PTK2: variants seen among roughly 807,000 people sequenced by gnomAD.
PTK2 encodes the protein focal adhesion kinase 1.
Under a neutral mutation model 150.1 loss-of-function variants are expected in PTK2, and 45 were observed. That is an observed-to-expected ratio of 0.30 (90% confidence interval 0.24 to 0.38). PTK2 has a LOEUF of 0.38. PTK2 is among the 10% of genes least tolerant of loss of function. The probability of loss-of-function intolerance (pLI) is 1.00; values close to 1 mark genes in which losing one functional copy is unlikely to be tolerated. For synonymous variants in PTK2, 432 were observed against 449.2 expected (o/e 0.96, Z 0.48); for missense variants, 919 against 1,307.3 (o/e 0.70, Z 4.58).
chr8:140,890,927 GCTGTCTCTC>G (rs2100154026), intron 2 of PTK2, among the ~76,000 whole-genome samples, 158 bp from the exon 3 acceptor site: 1 of 152,050 alleles, frequency 6.6e-6, no homozygotes, highest in East Asian at 1.9e-4. Context: ...TAAAATAATA[GCTGTCTCTC>G]CCCATACCCA....
intron 5 of PTK2, among the ~76,000 whole-genome samples, chr8:140,862,345 A>G (rs2100136692): frequency 6.6e-6 from 1 of 152,214 alleles, no homozygotes; most frequent in Non-Finnish European, 1.5e-5. Context: ...TCCTTCGCCA[A>G]AATATGAAGT....
chr8:140,894,651 C>T (rs572213534), intron 2 of PTK2, among the ~76,000 whole-genome samples: 24 of 152,254 alleles, frequency 1.6e-4, no homozygotes, highest in African/African-American at 5.8e-4. Context: ...CCACAGTATA[C>T]CTTTTGAATA....
chr8:140,965,834 G>A (rs1470679824), intron 1 of PTK2, among the ~76,000 whole-genome samples: 4 of 152,134 alleles, frequency 2.6e-5, no homozygotes, highest in Admixed American at 6.5e-5. Context: ...CCAAGAACGC[G>A]CCACTGCACT....
At chr8:140,665,495 C>G (rs1309167763) in intron 30 of PTK2, among the ~76,000 whole-genome samples, 1 of 152,152 alleles carries the variant, frequency 6.6e-6, no homozygotes, top group Admixed American at 6.5e-5. Context: ...GGACCCCGTT[C>G]TGAATCTCAG....
At chr8:140,834,466 C>T (rs1041320219) in intron 7 of PTK2, among the ~76,000 whole-genome samples, 1 of 152,126 alleles carries the variant, frequency 6.6e-6, no homozygotes, top group Non-Finnish European at 1.5e-5. Flanking sequence ...CTAAGTATTA[C>T]CTTTCCTACT....
chr8:140,806,009 G>A (rs2100097978), intron 10 of PTK2, among the ~76,000 whole-genome samples: 1 of 152,146 alleles, frequency 6.6e-6, no homozygotes, highest in Non-Finnish European at 1.5e-5. Flanking sequence ...TTTCGTTGGG[G>A]TAGAACCATT....
chr8:140,832,124 G>T (rs993711664), intron 7 of PTK2, among the ~76,000 whole-genome samples: 1 of 152,180 alleles, frequency 6.6e-6, no homozygotes, highest in Non-Finnish European at 1.5e-5. Context: ...GCCAATCTCA[G>T]CTCACTGCAC....
intron 31 of PTK2, among the ~76,000 whole-genome samples, 173 bp from the exon 36 acceptor site, chr8:140,659,851 T>C (rs1223574557): frequency 1.3e-5 from 2 of 152,170 alleles, no homozygotes; most frequent in Non-Finnish European, 2.9e-5. Flanking sequence ...CACCAAGCCC[T>C]GCACCAATGA....
At position 140,926,428 on chromosome 8, in the gene PTK2, C is replaced by T. The variant is rs572001359; in HGVS notation, c.-121-679G>A. On this transcript the variant is annotated intron_variant, in intron 1 of 31. Coordinates refer to ENST00000522684, the Ensembl canonical transcript of PTK2. ...AGGTTTCCAGAGAAGAGTCTGGAAACAGGCCTACAAAGGGTAAATGAATCA... is the reference window on the plus strand; with the variant it reads ...AGGTTTCCAGAGAAGAGTCTGGAAATAGGCCTACAAAGGGTAAATGAATCA... Among the ~76,000 whole-genome samples, 8 of 152,100 alleles carry T rather than the reference C, an allele frequency of 5.3e-5. 1 individual carries two copies. The highest frequency in any genetic ancestry group is 2.6e-4 in the Admixed American group (4 of 15,272).
intron 1 of PTK2, among the ~76,000 whole-genome samples, chr8:140,962,692 A>T (rs1195897048): frequency 1.3e-5 from 2 of 151,954 alleles, no homozygotes; most frequent in African/African-American, 4.8e-5. Flanking sequence ...TGAGGCAGAG[A>T]ATGGCGTGAA....
chr8:140,825,135 A>G (rs2100111074), intron 8 of PTK2, among the ~76,000 whole-genome samples: 4 of 152,208 alleles, frequency 2.6e-5, no homozygotes, highest in Non-Finnish European at 4.4e-5. Flanking sequence ...CCCAAACACC[A>G]AATGCTTTAA....
At chr8:140,722,204 C>T (rs1421914949) in intron 22 of PTK2, among the ~76,000 whole-genome samples, 1 of 152,216 alleles carries the variant, frequency 6.6e-6, no homozygotes. Flanking sequence ...AACTCCTGGG[C>T]TCAAGTGATC....
intron 27 of PTK2, among the ~76,000 whole-genome samples, chr8:140,686,408 T>TAA (rs34011420): frequency 6.7e-6 from 1 of 149,136 alleles, no homozygotes; most frequent in African/African-American, 2.5e-5. Flanking sequence ...AAATAAAAGT[T>TAA]AAAAAAAAAA....
intron 10 of PTK2, among the ~76,000 whole-genome samples, chr8:140,817,538 C>T (rs534141248): frequency 6.6e-6 from 1 of 152,274 alleles, no homozygotes; most frequent in South Asian, 2.1e-4. Context: ...TGGGAGCATG[C>T]CCTTCTCAGT....
intron 31 of PTK2, among the ~76,000 whole-genome samples, chr8:140,663,725 G>GT (rs2084556687): frequency 6.6e-6 from 1 of 152,088 alleles, no homozygotes; most frequent in Non-Finnish European, 1.5e-5. Flanking sequence ...CCAGGATGGA[G>GT]TATGGTGGCT....
At chr8:140,988,761 G>A (rs890845600) in intron 1 of PTK2, among the ~76,000 whole-genome samples, 3 of 144,434 alleles carry the variant, frequency 2.1e-5, no homozygotes, top group Non-Finnish European at 4.5e-5. Context: ...AGACACACAC[G>A]TATACGGACA....
chr8:140,895,042 T>C (rs2100155611), intron 2 of PTK2, among the ~76,000 whole-genome samples: 1 of 152,194 alleles, frequency 6.6e-6, no homozygotes, highest in Non-Finnish European at 1.5e-5. Context: ...ATTCAGAGTA[T>C]ATTCTGTGTC....
At chr8:140,697,162 A>T (rs1205004771) in intron 26 of PTK2, among the ~76,000 whole-genome samples, 1 of 149,810 alleles carries the variant, frequency 6.7e-6, no homozygotes, top group Non-Finnish European at 1.5e-5. Flanking sequence ...AAAAAAAAAA[A>T]GGAAAGGTAC....
intron 8 of PTK2, chr8:140,822,433 A>T (rs1014878424): frequency 2.6e-5 from 4 of 152,134 alleles, no homozygotes; most frequent in African/African-American, 9.7e-5. Flanking sequence ...CTTCCGTGGA[A>T]ATAAACAAAG....
Sources: gnomAD v4.1 joint callset for allele counts (sites outside exome capture counted in the v4.1 genomes callset) on GRCh38, gnomAD v4.1.1 for gene constraint, MANE v1.5 for transcripts, NCBI Gene and HGNC (gene_info 2026-07-23, HGNC 2026-07-21) for gene names.